COL23A1: variants seen among roughly 807,000 people sequenced by gnomAD.
COL23A1 encodes collagen type XXIII alpha 1 chain, also known as collagen alpha-1(XXIII) chain.
Under a neutral mutation model 99.3 loss-of-function variants are expected in COL23A1, and 97 were observed. The ratio of observed to expected loss-of-function variants is 0.98; its 90% CI spans 0.83 to 1.16. The LOEUF is 1.16. Among genes scored for constraint, COL23A1 ranks in the 50% most tolerant of loss-of-function variants. The pLI is 0.00. For synonymous variants in COL23A1, 320 were observed against 308.2 expected (o/e 1.04, Z -0.40); for missense variants, 762 against 757.4 (o/e 1.01, Z -0.07).
At chr5:178,438,505 C>T (rs1235752110) in intron 2 of COL23A1, among the ~76,000 whole-genome samples, 1 of 152,178 alleles carries the variant, frequency 6.6e-6, no homozygotes, top group Non-Finnish European at 1.5e-5. Flanking sequence ...GTTTATGTAT[C>T]ATATGCTATG....
At chr5:178,500,558 T>C (rs1055207521) in intron 2 of COL23A1, among the ~76,000 whole-genome samples, 6 of 151,172 alleles carry the variant, frequency 4.0e-5, no homozygotes, top group African/African-American at 4.9e-5. Flanking sequence ...TGAGCCATGA[T>C]TGCACCACTG....
intron 2 of COL23A1, among the ~76,000 whole-genome samples, chr5:178,442,685 C>T (rs1011690922): frequency 8.5e-5 from 13 of 152,196 alleles, no homozygotes; most frequent in South Asian, 2.1e-4. Context: ...GAAGGCATCT[C>T]GGAGAGGCCA....
chr5:178,571,811 T>C (rs1446854274), intron 1 of COL23A1, among the ~76,000 whole-genome samples: 4 of 152,166 alleles, frequency 2.6e-5, no homozygotes, highest in Middle Eastern at 3.2e-3. Flanking sequence ...GGCTCACGCC[T>C]GTAATCCCAA....
At chr5:178,274,903 G>A (rs1288799576) in intron 5 of COL23A1, among the ~76,000 whole-genome samples, 2 of 152,192 alleles carry the variant, frequency 1.3e-5, no homozygotes, top group African/African-American at 4.8e-5. Flanking sequence ...TCTGCCCTCT[G>A]AGAAACCCCA....
chr5:178,404,485 G>A (rs762480295), intron 2 of COL23A1, among the ~76,000 whole-genome samples: 6 of 146,378 alleles, frequency 4.1e-5, no homozygotes, highest in Non-Finnish European at 7.4e-5. Flanking sequence ...CAGGCAGAAA[G>A]AACAACACAG....
chr5:178,533,324 G>A (rs1038119606), intron 2 of COL23A1, among the ~76,000 whole-genome samples: 8 of 152,100 alleles, frequency 5.3e-5, no homozygotes, highest in Non-Finnish European at 1.0e-4. Flanking sequence ...TCATCCACAC[G>A]GAAACTTTGT....
intron 2 of COL23A1, among the ~76,000 whole-genome samples, chr5:178,429,735 G>A (rs944681574): frequency 2.0e-5 from 3 of 152,068 alleles, no homozygotes; most frequent in Non-Finnish European, 2.9e-5. Flanking sequence ...CTGAGCACAT[G>A]GCCCTGACTG....
At chr5:178,273,082 G>A (rs1460470650) in intron 5 of COL23A1, among the ~76,000 whole-genome samples, 1 of 152,200 alleles carries the variant, frequency 6.6e-6, no homozygotes, top group African/African-American at 2.4e-5. Flanking sequence ...CCTCCCGGCC[G>A]CTCTCTCCTG....
At chr5:178,289,519 T>A (rs1757335750) in intron 4 of COL23A1, among the ~76,000 whole-genome samples, 1 of 152,156 alleles carries the variant, frequency 6.6e-6, no homozygotes, top group African/African-American at 2.4e-5. Context: ...TGCCATGCCC[T>A]CACCAGCCAG....
At chr5:178,380,417 G>A (rs909004921) in intron 2 of COL23A1, among the ~76,000 whole-genome samples, 16 of 151,926 alleles carry the variant, frequency 1.1e-4, no homozygotes, top group African/African-American at 3.4e-4. Flanking sequence ...GTGTGTGTGT[G>A]TGTGTGTATG....
chr5:178,248,765 G>A lies in COL23A1; in HGVS notation c.1149+352C>T, dbSNP rs1034304713. Among the ~76,000 whole-genome samples, 5 of 152,232 alleles carry A rather than the reference G, an allele frequency of 3.3e-5. No homozygotes were observed. The East Asian group carries it at 5.8e-4, about 18-fold the overall frequency. On this transcript the variant is annotated intron_variant, in intron 19 of 28. Coordinates refer to ENST00000390654, the MANE Select transcript of COL23A1 (RefSeq NM_173465.4). ...GGAAACCGAGGCCCCAGGAGGTTAG[G>A]TTGCTCGCCCAGGGTTCCAGAGTCA...
At position 178,387,730 on chromosome 5, in the gene COL23A1, T is replaced by C. The variant is rs1240142111; in HGVS notation, c.362-80811A>G. Among the ~76,000 whole-genome samples, 2 of 152,128 alleles carry C rather than the reference T, an allele frequency of 1.3e-5. No individual in the cohort carries two copies. Among genetic ancestry groups the C allele is most frequent in the East Asian group, 3.8e-4 (2 of 5,196 alleles). On this transcript the variant is annotated intron_variant, in intron 2 of 28. Coordinates refer to ENST00000390654, the MANE Select transcript of COL23A1 (RefSeq NM_173465.4). This position sits in a 1 kb window ranked among gnomAD's most constrained non-coding sequence, Gnocchi z 4.7. ...GAGCTAATGAATGAACGAACGACAA[T>C]GAGGCAGTGGGTCTGAGTTCTCCCT...
intron 3 of COL23A1, among the ~76,000 whole-genome samples, chr5:178,301,014 A>T (rs567235772): frequency 2.9e-5 from 3 of 103,306 alleles, no homozygotes; most frequent in African/African-American, 1.3e-4. Context: ...CATTTTTTTC[A>T]AATATTCCTT....
chr5:178,427,405 A>G (rs567926796), intron 2 of COL23A1, among the ~76,000 whole-genome samples: 2 of 152,210 alleles, frequency 1.3e-5, no homozygotes, highest in Non-Finnish European at 2.9e-5. Flanking sequence ...TGCTCCAGCT[A>G]TCTTGCTCCT....
chr5:178,319,659 G>A (rs900881925), intron 2 of COL23A1, among the ~76,000 whole-genome samples: 17 of 152,190 alleles, frequency 1.1e-4, no homozygotes, highest in African/African-American at 3.6e-4. Flanking sequence ...GGGGTTCCTC[G>A]GAACCGTGGA....
At chr5:178,370,774 A>G (rs1320691322) in intron 2 of COL23A1, among the ~76,000 whole-genome samples, 2 of 152,172 alleles carry the variant, frequency 1.3e-5, no homozygotes, top group African/African-American at 4.8e-5. Flanking sequence ...AAATATTAAA[A>G]TAAATAAACA....
intron 2 of COL23A1, among the ~76,000 whole-genome samples, chr5:178,421,189 T>C (rs935372384): frequency 6.6e-6 from 1 of 152,110 alleles, no homozygotes; most frequent in African/African-American, 2.4e-5. Context: ...AAAACGGTCA[T>C]GATTTGGTTT....
intron 2 of COL23A1, among the ~76,000 whole-genome samples, chr5:178,354,990 G>T (rs2973801): frequency 4.5e-4 from 68 of 151,504 alleles, no homozygotes; most frequent in Non-Finnish European, 7.4e-4. Context: ...ACCGGGAGGC[G>T]GAGGTTGCAG....
At chr5:178,302,204 T>G (rs191622575) in intron 3 of COL23A1, among the ~76,000 whole-genome samples, 2 of 61,306 alleles carry the variant, frequency 3.3e-5, no homozygotes, top group East Asian at 5.6e-4. Context: ...GGAGCACAGC[T>G]TCAATCCACC....
Sources: allele counts gnomAD v4.1 joint callset (sites outside exome capture counted in the v4.1 genomes callset), GRCh38; gene constraint gnomAD v4.1.1; non-coding constraint Gnocchi (gnomAD v3.1); transcripts MANE v1.5; gene names NCBI Gene and HGNC (gene_info 2026-07-23, HGNC 2026-07-21).